Variants in NFIB observed in about 807,000 individuals in gnomAD.
The protein encoded by NFIB is nuclear factor 1 B-type.
NFIB carries 11 observed loss-of-function variants against 61.5 expected under a neutral mutation model. The observed-to-expected ratio is 0.18, with a 90% confidence interval of 0.11 to 0.30. The LOEUF is 0.30. Among genes scored for constraint, NFIB ranks in the 10% least tolerant of loss-of-function variants. The pLI is 1.00. For missense variants in NFIB, 471 were observed against 608.9 expected (o/e 0.77, Z 2.38); for synonymous variants, 260 against 216.5 (o/e 1.20, Z -1.76).
the NFIB span, among the ~76,000 whole-genome samples, chr9:14,507,404 A>T: frequency 1.3e-5 from 2 of 152,234 alleles, no homozygotes; most frequent in Non-Finnish European, 2.9e-5. Context: ...AAACCTTTTA[A>T]AGCAACCATT....
chr9:14,152,329 G>A (rs2042955302), intron 4 of NFIB, among the ~76,000 whole-genome samples: 1 of 151,752 alleles, frequency 6.6e-6, no homozygotes, highest in Non-Finnish European at 1.5e-5. Flanking sequence ...AGCTATGTCT[G>A]TTGTGGCTTG....
chr9:14,273,882 C>A (rs148362880), intron 2 of NFIB, among the ~76,000 whole-genome samples: 4 of 152,262 alleles, frequency 2.6e-5, no homozygotes, highest in East Asian at 1.9e-4. Flanking sequence ...GCTTTTGGTG[C>A]CCCCGAAATT....
At chr9:14,112,247 G>A (rs887688077) in intron 10 of NFIB, among the ~76,000 whole-genome samples, 4 of 152,110 alleles carry the variant, frequency 2.6e-5, no homozygotes, top group Non-Finnish European at 4.4e-5. Context: ...TTAGAATTAC[G>A]TCTCTTATCC....
intron 2 of NFIB, among the ~76,000 whole-genome samples, chr9:14,260,891 T>TAGCC (rs112889384): frequency 0.021 from 3,158 of 152,276 alleles, 123 homozygotes; most frequent in African/African-American, 0.071. Context: ...TGGCAAAAGG[T>TAGCC]AGCCACATCA....
At chr9:14,265,450 C>T (rs2057116712) in intron 2 of NFIB, among the ~76,000 whole-genome samples, 1 of 152,140 alleles carries the variant, frequency 6.6e-6, no homozygotes. Flanking sequence ...TTGCTTGCTC[C>T]GTCTCTGCCA....
chr9:14,456,139 T>C, the NFIB span, among the ~76,000 whole-genome samples: 5 of 152,104 alleles, frequency 3.3e-5, no homozygotes, highest in African/African-American at 9.7e-5. Context: ...AATTATCAAA[T>C]ATTGGTGATT....
At chr9:14,367,033 C>T (rs1336273912) in intron 1 of NFIB, among the ~76,000 whole-genome samples, 1 of 152,140 alleles carries the variant, frequency 6.6e-6, no homozygotes, top group Non-Finnish European at 1.5e-5. Context: ...CACTTATCAA[C>T]AAATTATACT....
chr9:14,245,929 A>G (rs1460275483), intron 2 of NFIB, among the ~76,000 whole-genome samples: 1 of 151,988 alleles, frequency 6.6e-6, no homozygotes, highest in Non-Finnish European at 1.5e-5. Context: ...CAGAGGAGGG[A>G]GTGATTATTC....
At chr9:14,315,225 T>A (rs1016134188), upstream of NFIB, among the ~76,000 whole-genome samples, 11 of 151,234 alleles carry the variant, frequency 7.3e-5, no homozygotes, top group African/African-American at 2.4e-4. Context: ...TGCGGGTTCG[T>A]CCCGGGTCTG....
intron 3 of NFIB, among the ~76,000 whole-genome samples, chr9:14,169,871 C>A (rs1301077716): frequency 2.6e-5 from 4 of 152,144 alleles, no homozygotes; most frequent in Non-Finnish European, 5.9e-5. Context: ...TTAAATTATT[C>A]ATTACCTAGA....
At chr9:14,176,684 T>A (rs2131407737) in intron 3 of NFIB, among the ~76,000 whole-genome samples, 1 of 152,252 alleles carries the variant, frequency 6.6e-6, no homozygotes, top group Non-Finnish European at 1.5e-5. Context: ...GGCCTATCTG[T>A]AGATGTCCAT....
At chr9:14,199,415 C>G (rs1251516357) in intron 2 of NFIB, among the ~76,000 whole-genome samples, 1 of 152,172 alleles carries the variant, frequency 6.6e-6, no homozygotes, top group Admixed American at 6.5e-5. Context: ...TGTACATCCT[C>G]GGCTTTAGAT....
chr9:14,352,166 C>G (rs116282724), intron 1 of NFIB, among the ~76,000 whole-genome samples: 4 of 151,976 alleles, frequency 2.6e-5, no homozygotes, highest in Admixed American at 2.0e-4. Context: ...GGAACACATG[C>G]GTAAATCCAG....
chr9:14,098,545 C>T (rs919245829), intron 10 of NFIB, among the ~76,000 whole-genome samples: 1 of 152,184 alleles, frequency 6.6e-6, no homozygotes, highest in Non-Finnish European at 1.5e-5. Context: ...GGAGTAACTG[C>T]TGTATATGTT....
At position 14,183,845 on chromosome 9, in the gene NFIB, A is replaced by T. The variant is rs2131481533; in HGVS notation, c.563-4065T>A. On this transcript the variant is annotated intron_variant, in intron 2 of 10. Transcript: ENST00000380953. Reference sequence around the variant, plus strand: ...TCAATCTCTATTTTCCCCATTCTTTAAGTGTGGGTTTCATGTTCCCCATTC... The same window carrying T: ...TCAATCTCTATTTTCCCCATTCTTTTAGTGTGGGTTTCATGTTCCCCATTC... Among the ~76,000 whole-genome samples, 3 of 152,144 alleles carry T rather than the reference A, an allele frequency of 2.0e-5. No homozygotes were observed. The South Asian group carries it at 6.2e-4, about 32-fold the overall frequency.
At chr9:14,295,376 A>G (rs899226159) in intron 2 of NFIB, among the ~76,000 whole-genome samples, 1 of 152,152 alleles carries the variant, frequency 6.6e-6, no homozygotes, top group South Asian at 2.1e-4. Context: ...CTGTAATCCC[A>G]GCACTTTGGG....
chr9:14,391,009 TAG>T (rs1317882986), intron 1 of NFIB, among the ~76,000 whole-genome samples: 1 of 152,112 alleles, frequency 6.6e-6, no homozygotes, highest in Non-Finnish European at 1.5e-5. Context: ...GGGGGTGGAA[TAG>T]ACACATTTCA....
intron 2 of NFIB, among the ~76,000 whole-genome samples, chr9:14,223,361 C>T (rs1252190191): frequency 1.3e-5 from 2 of 152,222 alleles, no homozygotes; most frequent in African/African-American, 2.4e-5. Context: ...CCAGTTCAGA[C>T]TCATGATACT....
At chr9:14,203,783 A>G (rs1335200431) in intron 2 of NFIB, among the ~76,000 whole-genome samples, 1 of 152,194 alleles carries the variant, frequency 6.6e-6, no homozygotes, top group Non-Finnish European at 1.5e-5. Flanking sequence ...TGCTTGAAAA[A>G]CTAACTACAA....
Sources: allele counts gnomAD v4.1 joint callset (sites outside exome capture counted in the v4.1 genomes callset), GRCh38; gene constraint gnomAD v4.1.1; transcripts MANE v1.5; gene names NCBI Gene and HGNC (gene_info 2026-07-23, HGNC 2026-07-21).